The following GPBP1 variants were observed in gnomAD, a reference collection of about 807,000 sequenced individuals.
GPBP1 encodes vasculin.
Under a neutral mutation model 56.5 loss-of-function variants are expected in GPBP1, and 13 were observed. The observed-to-expected ratio is 0.23, with a 90% CI of 0.15 to 0.37. The LOEUF is 0.37. GPBP1 is among the 10% of genes least tolerant of loss of function. The pLI, the probability that GPBP1 is intolerant of heterozygous loss-of-function variation, is 1.00. For synonymous variants in GPBP1, 204 were observed against 188.9 expected (o/e 1.08, Z -0.66); for missense variants, 477 against 572.3 (o/e 0.83, Z 1.70).
chr5:57,256,142 A>G (rs1402195478), intron 10 of GPBP1, among the ~76,000 whole-genome samples: 1 of 152,078 alleles, frequency 6.6e-6, no homozygotes, highest in African/African-American at 2.4e-5. Flanking sequence ...TGTATTCTCA[A>G]CTACTGAGGA....
chr5:57,260,814 C>A (rs1285260912), intron 10 of GPBP1, among the ~76,000 whole-genome samples: 1 of 151,930 alleles, frequency 6.6e-6, no homozygotes, highest in Non-Finnish European at 1.5e-5. Context: ...AAGTAGAAAA[C>A]CTAATGAGTA....
chr5:57,174,469 T>G (rs1210024013), intron 1 of GPBP1, among the ~76,000 whole-genome samples: 1 of 151,958 alleles, frequency 6.6e-6, no homozygotes, highest in Admixed American at 6.6e-5. Context: ...GGCGGCTTGG[T>G]TGGGGGGTGT....
chr5:57,239,412 A>G (rs1453505813), intron 6 of GPBP1, among the ~76,000 whole-genome samples: 1 of 152,258 alleles, frequency 6.6e-6, no homozygotes, highest in East Asian at 1.9e-4. Flanking sequence ...GATATAAATT[A>G]TAACAGTTAG....
chr5:57,232,781 C>T (rs940574075), intron 5 of GPBP1, among the ~76,000 whole-genome samples: 1 of 152,106 alleles, frequency 6.6e-6, no homozygotes, highest in South Asian at 2.1e-4. Flanking sequence ...GTCCTTTCTG[C>T]AGAAAGTAAA....
intron 2 of GPBP1, among the ~76,000 whole-genome samples, chr5:57,185,093 G>A (rs111488837): frequency 1.3e-5 from 2 of 152,098 alleles, no homozygotes; most frequent in African/African-American, 4.8e-5. Flanking sequence ...AGGAACACTT[G>A]TGCATAGGAC....
At position 57,246,389 on chromosome 5, in the gene GPBP1, G is replaced by T. The variant is rs1435262414; in HGVS notation, c.568G>T (p.Val190Leu). ...TKDLQLSGFP[V>L]VGNLPSQPVK... The stretch of plus-strand genomic sequence containing the variant: ...AGACTTACAGCTATCTGGATTCCCA[G>T]TAGTAGGAAATCTTCCGTCACAGCC... Residue 190 changes from valine to leucine, a missense_variant, in exon 7 of 12, where the codon GTA (valine) becomes TTA (leucine). Physicochemically the swap from Val to Leu is conservative, Grantham distance 32 (BLOSUM62 1). This residue lies in a region of GPBP1 where 414 missense variants were observed against 458.2 expected (regional missense o/e 0.90). Coordinates refer to ENST00000506184, the MANE Select transcript of GPBP1 (RefSeq NM_022913.4). 2 of 1,613,560 alleles carry T rather than the reference G, an allele frequency of 1.2e-6. No individual in the cohort carries two copies. The highest frequency in any genetic ancestry group is 1.7e-6 in the Non-Finnish European group (2 of 1,179,500).
chr5:57,239,534 A>C (rs1202845834), intron 6 of GPBP1, among the ~76,000 whole-genome samples: 1 of 151,954 alleles, frequency 6.6e-6, no homozygotes, highest in Non-Finnish European at 1.5e-5. Flanking sequence ...TAATCCCAGC[A>C]CTCTGGGAGG....
Position 57,175,767 on chromosome 5 carries a change from G to C in GPBP1, c.-691G>C, listed in dbSNP as rs1200248835. Reference sequence around the variant, plus strand: ...GTTGGGGTTCTTCAGCCGAAACTGAGAGACGTTGATTTGTGTACTGAGTAG... The same window carrying C: ...GTTGGGGTTCTTCAGCCGAAACTGACAGACGTTGATTTGTGTACTGAGTAG... On this transcript the variant is annotated 5_prime_UTR_variant, in exon 2 of 12. Transcript: ENST00000506184. 1 of 396,680 alleles carries C rather than the reference G, an allele frequency of 2.5e-6. No homozygotes were observed. Among genetic ancestry groups the C allele is most frequent in the Non-Finnish European group, 4.4e-6 (1 of 225,504 alleles). The allele number at this position is 396,680 out of a possible 1,614,324, so 24.6% of individuals were successfully genotyped here.
intron 11 of GPBP1, 24 bp downstream of exon 11, chr5:57,261,306 C>T: frequency 7.5e-7 from 1 of 1,338,790 alleles, no homozygotes; most frequent in Non-Finnish European, 1.1e-6. Flanking sequence ...AATCATACAA[C>T]TTCACTTTTA....
chr5:57,214,314 G>T (rs575876023), intron 3 of GPBP1, 121 bp downstream of exon 3: 5 of 852,834 alleles, frequency 5.9e-6, no homozygotes, highest in South Asian at 5.8e-5. Flanking sequence ...GGCTGGGCGC[G>T]GTGGCTCACC....
intron 2 of GPBP1, among the ~76,000 whole-genome samples, chr5:57,204,529 G>A (rs1231048864): frequency 6.6e-6 from 1 of 152,174 alleles, no homozygotes; most frequent in African/African-American, 2.4e-5. Context: ...TGGGATTATA[G>A]GCATGAGCCA....
At chr5:57,210,203 T>C (rs887186653) in intron 2 of GPBP1, among the ~76,000 whole-genome samples, 1 of 152,200 alleles carries the variant, frequency 6.6e-6, no homozygotes, top group East Asian at 1.9e-4. Context: ...TTTTAAAAAT[T>C]AAAAGTCAGG....
chr5:57,259,185 A>G (rs977860891), intron 10 of GPBP1, among the ~76,000 whole-genome samples: 1 of 152,262 alleles, frequency 6.6e-6, no homozygotes, highest in Non-Finnish European at 1.5e-5. Context: ...TGTGCAATAC[A>G]TACTAATTTG....
chr5:57,219,405 C>CAAAAAAAAAAAAAAAAAAAAA (rs1200185260), intron 3 of GPBP1, among the ~76,000 whole-genome samples: 2 of 34,188 alleles, frequency 5.9e-5, no homozygotes, highest in African/African-American at 2.4e-4. Context: ...AAAAAAAAAC[C>CAAAAAAAAAAAAAAAAAAAAA]AAAAACAAAC....
chr5:57,213,994 TA>T, intron 2 of GPBP1, 79 bp from the exon 3 acceptor site: 1 of 659,088 alleles, frequency 1.5e-6, no homozygotes, highest in East Asian at 2.6e-5. Context: ...TAGTAGTAAG[TA>T]GTAAGATCAT....
At chr5:57,211,088 G>A (rs1252676060) in intron 2 of GPBP1, among the ~76,000 whole-genome samples, 3 of 151,964 alleles carry the variant, frequency 2.0e-5, no homozygotes, top group Middle Eastern at 3.4e-3. Flanking sequence ...AAGATGAGTG[G>A]TGTGGAACTT....
intron 2 of GPBP1, among the ~76,000 whole-genome samples, chr5:57,186,947 C>G (rs994072151): frequency 1.3e-5 from 2 of 151,244 alleles, no homozygotes; most frequent in African/African-American, 4.9e-5. Context: ...ATTGAATCAC[C>G]TTGAAATTTC....
chr5:57,235,612 A>G (rs1756629483), intron 5 of GPBP1, among the ~76,000 whole-genome samples: 1 of 152,222 alleles, frequency 6.6e-6, no homozygotes, highest in South Asian at 2.1e-4. Context: ...TTAGCAAAGT[A>G]AGCTGAGAGT....
chr5:57,183,686 A>C (rs1754160622), intron 2 of GPBP1, among the ~76,000 whole-genome samples: 1 of 152,152 alleles, frequency 6.6e-6, no homozygotes, highest in African/African-American at 2.4e-5. Flanking sequence ...TATAAGGGAA[A>C]TACTAGTCTA....
Sources: allele counts gnomAD v4.1 joint callset (sites outside exome capture counted in the v4.1 genomes callset), GRCh38; gene constraint gnomAD v4.1.1; regional missense constraint gnomAD v4.1.1; transcripts MANE v1.5; gene names NCBI Gene and HGNC (gene_info 2026-07-23, HGNC 2026-07-21).